UBE3D: variants seen among roughly 807,000 people sequenced by gnomAD.
UBE3D encodes the protein E3 ubiquitin-protein ligase E3D.
Under a neutral mutation model 49.6 loss-of-function variants are expected in UBE3D, and 48 were observed. That is an observed-to-expected ratio of 0.97 (90% confidence interval 0.77 to 1.23). The LOEUF (loss-of-function observed/expected upper bound fraction) is 1.23, where lower values mean the gene tolerates loss of function less well. Among genes scored for constraint, UBE3D ranks in the 50% most tolerant of loss-of-function variants. The pLI is 0.00. For missense variants in UBE3D, 452 were observed against 468.4 expected (o/e 0.96, Z 0.32); for synonymous variants, 189 against 174.2 (o/e 1.08, Z -0.67).
intron 9 of UBE3D, among the ~76,000 whole-genome samples, chr6:82,954,168 G>A (rs552192239): frequency 1.3e-5 from 2 of 152,264 alleles, no homozygotes; most frequent in Non-Finnish European, 2.9e-5. Flanking sequence ...AGGATGCCAT[G>A]GAAGAATTTT....
At chr6:83,027,671 A>C (rs954175931) in intron 5 of UBE3D, among the ~76,000 whole-genome samples, 3 of 152,000 alleles carry the variant, frequency 2.0e-5, no homozygotes, top group Admixed American at 6.6e-5. Flanking sequence ...TTTTTTCTTT[A>C]GCTGCATTTA....
intron 8 of UBE3D, among the ~76,000 whole-genome samples, chr6:82,973,879 A>T (rs1777527240): frequency 6.6e-6 from 1 of 152,116 alleles, no homozygotes; most frequent in Non-Finnish European, 1.5e-5. Context: ...TTCTCATAAG[A>T]GCCTGAACCC....
At chr6:82,997,518 G>A (rs1022702148) in intron 8 of UBE3D, among the ~76,000 whole-genome samples, 1 of 152,156 alleles carries the variant, frequency 6.6e-6, no homozygotes, top group African/African-American at 2.4e-5. Flanking sequence ...AGGAGATCGA[G>A]ACCGGCCTGG....
At position 82,944,636 on chromosome 6, in the gene UBE3D, T is replaced by C. The variant is rs528763913; in HGVS notation, c.1149+12676A>G. On this transcript the variant is annotated intron_variant, in intron 9 of 9. Transcript: ENST00000369747. ...ACTTTAGGTACTAGCTTGGTCACAG[T>C]TGGGTAGAGCACAAAGCAGGTTCTT... Among the ~76,000 whole-genome samples the C allele has an allele frequency of 4.6e-5, 7 of 152,266 alleles. 1 individual carries two copies. Among genetic ancestry groups the C allele is most frequent in the African/African-American group, 1.4e-4 (6 of 41,554 alleles).
At chr6:83,011,395 G>A (rs1780327756) in intron 8 of UBE3D, among the ~76,000 whole-genome samples, 1 of 152,180 alleles carries the variant, frequency 6.6e-6, no homozygotes, top group Admixed American at 6.5e-5. Context: ...TCAGCAGGTT[G>A]TGGTTTTTTT....
At chr6:83,003,513 C>T (rs1779771460) in intron 8 of UBE3D, among the ~76,000 whole-genome samples, 1 of 152,108 alleles carries the variant, frequency 6.6e-6, no homozygotes, top group South Asian at 2.1e-4. Flanking sequence ...GGCCATTGTA[C>T]AGTCATGTGT....
chr6:82,894,823 T>C (rs1771192058), intron 9 of UBE3D, among the ~76,000 whole-genome samples: 1 of 152,156 alleles, frequency 6.6e-6, no homozygotes, highest in African/African-American at 2.4e-5. Flanking sequence ...ATTCTGCTTC[T>C]ACATAGACAG....
chr6:83,019,302 G>A (rs1258723673), intron 7 of UBE3D, among the ~76,000 whole-genome samples, 166 bp from the exon 8 acceptor site: 9 of 149,478 alleles, frequency 6.0e-5, no homozygotes, highest in African/African-American at 1.5e-4. Context: ...CATAACTCTC[G>A]GTAGAGCAAC....
chr6:83,040,023 CTT>C (rs1486904065), intron 4 of UBE3D, among the ~76,000 whole-genome samples: 1 of 152,024 alleles, frequency 6.6e-6, no homozygotes, highest in Non-Finnish European at 1.5e-5. Context: ...CTTCAAGAAA[CTT>C]TTATTTGAGG....
At chr6:82,921,666 G>T (rs993922909) in intron 9 of UBE3D, among the ~76,000 whole-genome samples, 1 of 152,174 alleles carries the variant, frequency 6.6e-6, no homozygotes, top group African/African-American at 2.4e-5. Flanking sequence ...CTGATCACAG[G>T]TCCACTCATG....
chr6:82,951,855 ACAAT>A (rs1319645434), intron 9 of UBE3D, among the ~76,000 whole-genome samples: 3 of 152,302 alleles, frequency 2.0e-5, no homozygotes, highest in South Asian at 4.1e-4. Flanking sequence ...TATCCTCCTG[ACAAT>A]CAGCCTCTAA....
chr6:82,979,432 T>C (rs1298803512), intron 8 of UBE3D, among the ~76,000 whole-genome samples: 1 of 152,094 alleles, frequency 6.6e-6, no homozygotes, highest in Non-Finnish European at 1.5e-5. Flanking sequence ...TGGTCTTCGT[T>C]TGAAAAACTC....
At chr6:82,902,964 A>G (rs904495500) in intron 9 of UBE3D, among the ~76,000 whole-genome samples, 2 of 152,208 alleles carry the variant, frequency 1.3e-5, no homozygotes, top group African/African-American at 4.8e-5. Flanking sequence ...ACTTTTGATC[A>G]TGGCTGTAAG....
chr6:82,923,373 G>A (rs963444502), intron 9 of UBE3D, among the ~76,000 whole-genome samples: 3 of 152,166 alleles, frequency 2.0e-5, no homozygotes, highest in African/African-American at 2.4e-5. Flanking sequence ...AGAATACTAC[G>A]CAGCCATAAA....
At chr6:82,911,217 A>AAAC (rs2127726223) in intron 9 of UBE3D, among the ~76,000 whole-genome samples, 1 of 151,072 alleles carries the variant, frequency 6.6e-6, no homozygotes, top group African/African-American at 2.4e-5. Flanking sequence ...AAAAAAAAAA[A>AAAC]AAAAAACTCA....
chr6:82,887,732 AAAG>A (rs2127707495), downstream of UBE3D, among the ~76,000 whole-genome samples: 1 of 152,180 alleles, frequency 6.6e-6, no homozygotes, highest in African/African-American at 2.4e-5. Flanking sequence ...AAAGAAAAGA[AAAG>A]AATATTGGAT....
chr6:83,003,028 C>A (rs530573361), intron 8 of UBE3D, among the ~76,000 whole-genome samples: 1 of 152,214 alleles, frequency 6.6e-6, no homozygotes, highest in South Asian at 2.1e-4. Context: ...TTGGCAAAAT[C>A]TTTGTTCTCC....
chr6:82,939,722 G>C (rs907329365), intron 9 of UBE3D, among the ~76,000 whole-genome samples: 2 of 152,166 alleles, frequency 1.3e-5, no homozygotes, highest in African/African-American at 4.8e-5. Context: ...GTTTGTGTAA[G>C]TGCACTCTAT....
intron 8 of UBE3D, among the ~76,000 whole-genome samples, chr6:82,991,382 T>G (rs1778872673): frequency 6.6e-6 from 1 of 152,174 alleles, no homozygotes; most frequent in South Asian, 2.1e-4. Context: ...TTAATCTGCC[T>G]GGAATCCCTC....
Sources: allele counts gnomAD v4.1 joint callset (sites outside exome capture counted in the v4.1 genomes callset), GRCh38; gene constraint gnomAD v4.1.1; transcripts MANE v1.5; gene names NCBI Gene and HGNC (gene_info 2026-07-23, HGNC 2026-07-21).